Variants in TRPM8 observed in about 807,000 individuals in gnomAD.
TRPM8 encodes TRPM8 cationic channel.
Under a neutral mutation model 133.7 loss-of-function variants are expected in TRPM8, and 110 were observed. The ratio of observed to expected loss-of-function variants is 0.82; its 90% CI spans 0.70 to 0.96. The LOEUF (loss-of-function observed/expected upper bound fraction) is 0.96. Ranked by LOEUF, TRPM8 falls within the 40% of genes least tolerant of loss-of-function variation. The pLI is 0.00. For missense variants in TRPM8, 1,291 were observed against 1,379.5 expected, an observed-to-expected ratio of 0.94 and a Z score of 1.02; for synonymous variants, 535 against 532.3, an observed-to-expected ratio of 1.01 and a Z score of -0.07.
chr2:234,001,551 G>A (rs569227100), intron 22 of TRPM8, among the ~76,000 whole-genome samples: 2 of 152,280 alleles, frequency 1.3e-5, no homozygotes, highest in South Asian at 2.1e-4. Context: ...TCTGTAAAAC[G>A]CACACCACAC....
chr2:233,965,759 TA>T (rs991200472), intron 14 of TRPM8, among the ~76,000 whole-genome samples: 1 of 148,618 alleles, frequency 6.7e-6, no homozygotes, highest in Non-Finnish European at 1.5e-5. Flanking sequence ...AGTTTTACTG[TA>T]AAAAAATTTC....
At chr2:233,920,263 G>A (rs538085569) in intron 1 of TRPM8, among the ~76,000 whole-genome samples, 3 of 152,186 alleles carry the variant, frequency 2.0e-5, no homozygotes, top group Non-Finnish European at 4.4e-5. Context: ...AAATGTGAAC[G>A]GTATTTCAAG....
intron 17 of TRPM8, among the ~76,000 whole-genome samples, chr2:233,976,646 T>G (rs1691880956): frequency 6.6e-6 from 1 of 152,146 alleles, no homozygotes; most frequent in African/African-American, 2.4e-5. Flanking sequence ...TTCTTGTTAT[T>G]TTTAAGAACG....
chr2:233,945,411 C>T (rs904411001), intron 6 of TRPM8, among the ~76,000 whole-genome samples: 4 of 152,296 alleles, frequency 2.6e-5, no homozygotes, highest in East Asian at 3.9e-4. Context: ...GCATGGGTCA[C>T]GGCATATGAT....
intron 25 of TRPM8, 67 bp downstream of exon 25, chr2:234,014,721 C>A: frequency 5.5e-6 from 3 of 541,034 alleles, no homozygotes; most frequent in Admixed American, 4.4e-5. Flanking sequence ...AATTTAAGAT[C>A]ATGATTTTTT....
chr2:233,926,173 C>T (rs1333582019), intron 1 of TRPM8, among the ~76,000 whole-genome samples: 2 of 152,244 alleles, frequency 1.3e-5, no homozygotes, highest in Non-Finnish European at 2.9e-5. Flanking sequence ...GTAGCTACTG[C>T]AAGCCCCTCA....
chr2:233,978,088 T>TTA (rs1691914278), intron 17 of TRPM8, among the ~76,000 whole-genome samples: 1 of 152,102 alleles, frequency 6.6e-6, no homozygotes, highest in Non-Finnish European at 1.5e-5. Context: ...TTGCTTTTTT[T>TTA]TTTTTTTAGA....
At chr2:233,950,323 C>T (rs536497456) in intron 9 of TRPM8, among the ~76,000 whole-genome samples, 177 bp downstream of exon 9, 1 of 152,238 alleles carries the variant, frequency 6.6e-6, no homozygotes. Context: ...ACGTGACTCA[C>T]CAAGTGTGAT....
chr2:233,961,149 C>T, intron 12 of TRPM8, 83 bp downstream of exon 12: 1 of 1,358,252 alleles, frequency 7.4e-7, no homozygotes, highest in South Asian at 1.4e-5. Flanking sequence ...TCCCTACTCC[C>T]TATCTTATTG....
chr2:233,970,681 T>TG (rs1385309762), intron 17 of TRPM8: 3 of 524,618 alleles, frequency 5.7e-6, no homozygotes, highest in Non-Finnish European at 1.0e-5. Context: ...TAGTCAGGAA[T>TG]GGGGGAGTGT....
intron 6 of TRPM8, among the ~76,000 whole-genome samples, chr2:233,944,873 G>A (rs1691004171): frequency 6.6e-6 from 1 of 152,054 alleles, no homozygotes; most frequent in Non-Finnish European, 1.5e-5. Flanking sequence ...CTCATTTGAT[G>A]TTCATAACAA....
intron 2 of TRPM8, among the ~76,000 whole-genome samples, chr2:233,929,002 T>C (rs930472803): frequency 3.2e-4 from 43 of 135,540 alleles, no homozygotes; most frequent in African/African-American, 1.1e-3. Context: ...CTTTTCTTTT[T>C]TTTTTTATTT....
At chr2:233,949,254 C>T (rs1030442659) in intron 8 of TRPM8, among the ~76,000 whole-genome samples, 1 of 152,098 alleles carries the variant, frequency 6.6e-6, no homozygotes, top group Non-Finnish European at 1.5e-5. Flanking sequence ...AAGGAAAGCA[C>T]TCAGACCTAA....
intron 11 of TRPM8, among the ~76,000 whole-genome samples, chr2:233,960,073 C>T (rs4663345): frequency 3.3e-5 from 5 of 151,844 alleles, no homozygotes; most frequent in Admixed American, 1.3e-4. Flanking sequence ...TAAGATTATC[C>T]GTAAGTTCCT....
chr2:234,005,563 T>C (rs12999395), intron 22 of TRPM8, among the ~76,000 whole-genome samples: 54,029 of 151,902 alleles, frequency 0.36, 9,639 homozygotes, highest in East Asian at 0.53. Context: ...AAGAATTATT[T>C]TGTAAAGTGA....
chr2:233,986,851 G>T (rs1364269643), intron 21 of TRPM8, among the ~76,000 whole-genome samples: 2 of 152,096 alleles, frequency 1.3e-5, no homozygotes, highest in Non-Finnish European at 1.5e-5. Context: ...AAGTCCAATG[G>T]CCAATAAGCA....
chr2:233,938,981 T>C lies in TRPM8; in HGVS notation c.349-17T>C, dbSNP rs751308268. On this transcript the variant is annotated splice_polypyrimidine_tract_variant and intron_variant, in intron 4 of 25. Coordinates refer to ENST00000324695, the MANE Select transcript of TRPM8 (RefSeq NM_024080.5). The stretch of plus-strand genomic sequence containing the variant: ...GAACACAGGCCTATCCTGATACTTC[T>C]GCTTCTCTCCCCATAGTATATACGT... 1.9e-5 allele frequency: 30 copies of C among 1,613,840 alleles called. No individual in the cohort carries two copies. The highest frequency in any genetic ancestry group is 3.3e-4 in the Middle Eastern group (2 of 6,060).
chr2:233,942,235 A>T (rs1690926321), intron 5 of TRPM8, among the ~76,000 whole-genome samples: 1 of 151,724 alleles, frequency 6.6e-6, no homozygotes, highest in Non-Finnish European at 1.5e-5. Flanking sequence ...GGCCATCACC[A>T]CGCCTGGCTA....
At chr2:233,964,052 T>C (rs928071920) in intron 13 of TRPM8, among the ~76,000 whole-genome samples, 1 of 152,204 alleles carries the variant, frequency 6.6e-6, no homozygotes, top group African/African-American at 2.4e-5. Context: ...CCAAGTTATT[T>C]TGTGTTCATT....
Sources: gnomAD v4.1 joint callset for allele counts (sites outside exome capture counted in the v4.1 genomes callset) on GRCh38, gnomAD v4.1.1 for gene constraint, MANE v1.5 for transcripts, NCBI Gene and HGNC (gene_info 2026-07-23, HGNC 2026-07-21) for gene names.